Variants in PCDH15 observed in about 807,000 individuals in gnomAD.
The protein encoded by PCDH15 is protocadherin related 15, also known as protocadherin-15.
In PCDH15, 129 loss-of-function variants were observed where a neutral mutation model predicts 178.5. The observed-to-expected ratio is 0.72, with a 90% CI of 0.63 to 0.84. The LOEUF (loss-of-function observed/expected upper bound fraction) is 0.84, where lower values mean the gene tolerates loss of function less well. Among genes scored for constraint, PCDH15 ranks in the 40% least tolerant of loss-of-function variants. The pLI is 0.00. For synonymous variants in PCDH15, 800 were observed against 732.0 expected (o/e 1.09, Z -1.50); for missense variants, 2,230 against 2,099.9 (o/e 1.06, Z -1.21).
intron 2 of PCDH15, among the ~76,000 whole-genome samples, chr10:55,521,621 T>C (rs1360101398): frequency 6.6e-6 from 1 of 151,982 alleles, no homozygotes; most frequent in Non-Finnish European, 1.5e-5. Flanking sequence ...TTGATTGTTT[T>C]CATATCTTGG....
Position 55,404,850 on chromosome 10 carries a change from T to C in PCDH15, c.-156+222775A>G, listed in dbSNP as rs76965966. Among the ~76,000 whole-genome samples, 470 of 151,984 alleles carry C rather than the reference T, an allele frequency of 3.1e-3. 2 individuals are homozygous for C. The highest frequency in any genetic ancestry group is 0.011 in the African/African-American group (452 of 41,524). Reference sequence around the variant, plus strand: ...ATAAAAGCCTAAAGAAGTCTACATATTTATATTTAATCAGCATGCTGATAC... The same window carrying C: ...ATAAAAGCCTAAAGAAGTCTACATACTTATATTTAATCAGCATGCTGATAC... On this transcript the variant is annotated intron_variant, in intron 2 of 5. Coordinates refer to the PCDH15 transcript ENST00000613346.
At chr10:54,427,965 T>C (rs1956497424) in intron 3 of PCDH15, among the ~76,000 whole-genome samples, 1 of 152,014 alleles carries the variant, frequency 6.6e-6, no homozygotes, top group Non-Finnish European at 1.5e-5. Context: ...GAAAACAAAG[T>C]CATAACAAAA....
rs368084330 is a variant in PCDH15, at chr10:54,560,435, G to A, written c.92-32558C>T. 5.9e-5 allele frequency among the ~76,000 whole-genome samples: 9 copies of A among 151,998 alleles called. 1 individual carries two copies. In the Middle Eastern group the frequency reaches 0.01, roughly 174 times the overall value. On this transcript the variant is annotated intron_variant, in intron 2 of 37. Transcript: ENST00000644397. ...TATATCAAATTATTTTCCTCTTGAC[G>A]TATATTTAGATTGTTTTTTGTCACT...
chr10:55,134,102 G>GT (rs1257615870), intron 2 of PCDH15, among the ~76,000 whole-genome samples: 1 of 152,044 alleles, frequency 6.6e-6, no homozygotes, highest in Non-Finnish European at 1.5e-5. Flanking sequence ...TTAATGGCCT[G>GT]TAAGTCCCCA....
At chr10:54,436,308 T>G (rs543925619) in intron 3 of PCDH15, among the ~76,000 whole-genome samples, 15 of 151,774 alleles carry the variant, frequency 9.9e-5, no homozygotes, top group Non-Finnish European at 2.1e-4. Flanking sequence ...GAAAGTAAAG[T>G]TACCCTGGCT....
At chr10:55,368,794 T>G (rs1845425674) in intron 2 of PCDH15, among the ~76,000 whole-genome samples, 1 of 151,998 alleles carries the variant, frequency 6.6e-6, no homozygotes, top group South Asian at 2.1e-4. Flanking sequence ...GAATCAGCTG[T>G]AGCTCACTGA....
At chr10:55,414,933 T>G (rs1306652320) in intron 2 of PCDH15, among the ~76,000 whole-genome samples, 1 of 151,626 alleles carries the variant, frequency 6.6e-6, no homozygotes, top group Non-Finnish European at 1.5e-5. Context: ...TATTGTCTAA[T>G]TGTTCTTGCT....
At chr10:54,529,811 T>C (rs1334595838) in intron 2 of PCDH15, among the ~76,000 whole-genome samples, 2 of 152,108 alleles carry the variant, frequency 1.3e-5, no homozygotes, top group East Asian at 1.9e-4. Flanking sequence ...ATTTACTGTT[T>C]TATAAAATTC....
At chr10:54,150,938 A>G (rs1590806919) in intron 14 of PCDH15, among the ~76,000 whole-genome samples, 1 of 152,122 alleles carries the variant, frequency 6.6e-6, no homozygotes, top group African/African-American at 2.4e-5. Context: ...TACACCATGG[A>G]TGCAAAATAG....
intron 30 of PCDH15, chr10:53,831,089 C>A: frequency 4.0e-6 from 3 of 746,482 alleles, no homozygotes; most frequent in Non-Finnish European, 7.4e-6. Flanking sequence ...TGAAAGAGAC[C>A]GAATTAGAAT....
At chr10:54,185,625 A>G (rs1036644953) in intron 11 of PCDH15, among the ~76,000 whole-genome samples, 13 of 152,100 alleles carry the variant, frequency 8.5e-5, no homozygotes, top group African/African-American at 2.9e-4. Flanking sequence ...GAAATAAGAA[A>G]TAAAAGCAAG....
At chr10:54,279,878 A>G (rs989545324) in intron 8 of PCDH15, among the ~76,000 whole-genome samples, 2 of 151,734 alleles carry the variant, frequency 1.3e-5, no homozygotes, top group Non-Finnish European at 3.0e-5. Context: ...AGGCAGGAGA[A>G]AAAATAAATG....
Position 53,827,274 on chromosome 10 carries a change from A to G in PCDH15, c.4367+119T>C, listed in dbSNP as rs10740555. ...TCTTAACAAATTTTCTCTTGAAAATAATAGAATAAAATAAATAGTCCATGT... is the reference window on the plus strand; with the variant it reads ...TCTTAACAAATTTTCTCTTGAAAATGATAGAATAAAATAAATAGTCCATGT... On this transcript the variant is annotated intron_variant, in intron 32 of 37. Transcript: ENST00000644397. The G allele has an allele frequency of 0.45, 582,727 of 1,294,584 alleles. 134,514 individuals carry two copies. Among genetic ancestry groups the G allele is most frequent in the East Asian group, 0.79 (29,830 of 37,626 alleles). 80.2% of individuals were successfully genotyped at this position (1,294,584 alleles called of 1,614,324 possible).
intron 3 of PCDH15, among the ~76,000 whole-genome samples, chr10:54,459,995 C>T: frequency 6.6e-6 from 1 of 152,030 alleles, no homozygotes; most frequent in Middle Eastern, 3.2e-3. Flanking sequence ...TATAAGCCTG[C>T]ATTGAAGTTT....
At chr10:54,537,598 A>G (rs1781448) in intron 2 of PCDH15, among the ~76,000 whole-genome samples, 79,660 of 152,030 alleles carry the variant, frequency 0.52, 21,591 homozygotes, top group East Asian at 0.76. Flanking sequence ...CTTCATTCCT[A>G]GGATGCAAGA....
intron 2 of PCDH15, among the ~76,000 whole-genome samples, chr10:55,109,392 A>C (rs557260278): frequency 6.6e-6 from 1 of 152,324 alleles, no homozygotes; most frequent in Non-Finnish European, 1.5e-5. Context: ...TAATTCTAAA[A>C]TCTAATTCTA....
At chr10:55,110,825 G>GA (rs899266622) in intron 2 of PCDH15, among the ~76,000 whole-genome samples, 1 of 151,988 alleles carries the variant, frequency 6.6e-6, no homozygotes, top group Non-Finnish European at 1.5e-5. Context: ...TAAACTGTAT[G>GA]AAAAAACAAA....
At chr10:54,377,554 G>A (rs962637803) in intron 4 of PCDH15, among the ~76,000 whole-genome samples, 11 of 152,128 alleles carry the variant, frequency 7.2e-5, no homozygotes, top group Non-Finnish European at 1.2e-4. Flanking sequence ...GGCAAATTGA[G>A]ATTTATTAAA....
chr10:55,053,190 G>T, intron 2 of PCDH15, among the ~76,000 whole-genome samples: 1 of 151,944 alleles, frequency 6.6e-6, no homozygotes, highest in Middle Eastern at 3.2e-3. Flanking sequence ...TTTTATTCAA[G>T]ACCTCACATT....
Sources: gnomAD v4.1 joint callset for allele counts (sites outside exome capture counted in the v4.1 genomes callset) on GRCh38, gnomAD v4.1.1 for gene constraint, MANE v1.5 for transcripts, NCBI Gene and HGNC (gene_info 2026-07-23, HGNC 2026-07-21) for gene names.